The following OSBPL8 variants were observed in gnomAD, a reference collection of about 807,000 sequenced individuals.
The protein encoded by OSBPL8 is oxysterol-binding protein-related protein 8.
In OSBPL8, 59 loss-of-function variants were observed where a neutral mutation model predicts 125.5. The observed-to-expected ratio is 0.47, with a 90% CI of 0.38 to 0.58. The LOEUF (loss-of-function observed/expected upper bound fraction) is 0.58, where lower values mean the gene tolerates loss of function less well. Among genes scored for constraint, OSBPL8 ranks in the 20% least tolerant of loss-of-function variants. OSBPL8 has a pLI of 0.00. For synonymous variants in OSBPL8, 330 were observed against 338.9 expected (o/e 0.97, Z 0.29); for missense variants, 758 against 1,047.8 (o/e 0.72, Z 3.82).
At chr12:76,452,714 T>G (rs1873562480) in intron 3 of OSBPL8, among the ~76,000 whole-genome samples, 1 of 152,234 alleles carries the variant, frequency 6.6e-6, no homozygotes, top group South Asian at 2.1e-4. Context: ...CAACACAGTC[T>G]GGCCTGCTAC....
intron 3 of OSBPL8, among the ~76,000 whole-genome samples, chr12:76,454,630 C>T (rs1873799169): frequency 1.3e-5 from 2 of 151,036 alleles, no homozygotes; most frequent in Admixed American, 1.3e-4. Context: ...GAGGTGGGAG[C>T]ATCACTTGAG....
rs192127515 is a variant in OSBPL8, at chr12:76,455,522, C to T, written c.79+4337G>A. On this transcript the variant is annotated intron_variant, in intron 3 of 23. Coordinates refer to ENST00000261183, the MANE Select transcript of OSBPL8 (RefSeq NM_020841.5). Reference sequence around the variant, plus strand: ...CCTGAACTGTAAAGTTAGCTCTATTCACCCTTTCTAATCCATTTTCGATGG... The same window carrying T: ...CCTGAACTGTAAAGTTAGCTCTATTTACCCTTTCTAATCCATTTTCGATGG... 7.4e-4 allele frequency among the ~76,000 whole-genome samples: 113 copies of T among 152,326 alleles called. 1 individual carries two copies. Among genetic ancestry groups the T allele is most frequent in the Admixed American group, 3.7e-3 (56 of 15,302 alleles).
intron 1 of OSBPL8, among the ~76,000 whole-genome samples, chr12:76,523,161 T>A (rs1950070878): frequency 6.6e-6 from 1 of 152,206 alleles, no homozygotes; most frequent in Non-Finnish European, 1.5e-5. Flanking sequence ...GAGTTTCCAG[T>A]AAGAAATTGT....
chr12:76,376,768 A>C (rs1033492292), intron 16 of OSBPL8, among the ~76,000 whole-genome samples: 1 of 152,090 alleles, frequency 6.6e-6, no homozygotes, highest in African/African-American at 2.4e-5. Context: ...GGCCTTCGAT[A>C]AGATTCAGCC....
intron 9 of OSBPL8, among the ~76,000 whole-genome samples, chr12:76,393,027 T>C (rs1457667482): frequency 1.3e-5 from 2 of 152,300 alleles, no homozygotes; most frequent in East Asian, 3.9e-4. Flanking sequence ...TCTTAGAACA[T>C]TAACATGCAG....
intron 9 of OSBPL8, 100 bp downstream of exon 9, chr12:76,394,545 G>T: frequency 2.5e-6 from 2 of 806,666 alleles, no homozygotes; most frequent in Non-Finnish European, 3.9e-6. Context: ...TGCTGCAAAT[G>T]CCATACTAAA....
intron 9 of OSBPL8, among the ~76,000 whole-genome samples, chr12:76,393,957 T>A (rs1394314151): frequency 6.6e-6 from 1 of 151,968 alleles, no homozygotes; most frequent in African/African-American, 2.4e-5. Flanking sequence ...GAGTCAGAGG[T>A]TGCAGTGAGC....
At chr12:76,362,742 G>T (rs985361417) in intron 21 of OSBPL8, among the ~76,000 whole-genome samples, 10 of 152,174 alleles carry the variant, frequency 6.6e-5, no homozygotes, top group African/African-American at 2.4e-4. Context: ...AAGTCAAATT[G>T]TCTCTGTTTG....
intron 2 of OSBPL8, among the ~76,000 whole-genome samples, chr12:76,475,223 C>A (rs1371906891): frequency 3.9e-5 from 6 of 151,978 alleles, no homozygotes. Flanking sequence ...TTAATTATAT[C>A]CTACTTATGA....
chr12:76,410,957 C>A (rs368016854), intron 4 of OSBPL8, among the ~76,000 whole-genome samples: 76 of 152,292 alleles, frequency 5.0e-4, no homozygotes, highest in Middle Eastern at 3.4e-3. Context: ...ACTCACGGAA[C>A]CAACTCAACA....
intron 1 of OSBPL8, among the ~76,000 whole-genome samples, chr12:76,525,377 T>C (rs1306755237): frequency 6.6e-6 from 1 of 152,218 alleles, no homozygotes; most frequent in Non-Finnish European, 1.5e-5. Flanking sequence ...GTGATATTTT[T>C]ACCAAATATT....
At chr12:76,458,441 A>G (rs1006399290) in intron 3 of OSBPL8, among the ~76,000 whole-genome samples, 3 of 151,730 alleles carry the variant, frequency 2.0e-5, no homozygotes, top group Non-Finnish European at 2.9e-5. Flanking sequence ...TGTAATCCCA[A>G]CACTCTGGGA....
intron 4 of OSBPL8, among the ~76,000 whole-genome samples, chr12:76,430,054 C>T (rs1870624640): frequency 6.6e-6 from 1 of 152,132 alleles, no homozygotes; most frequent in Admixed American, 6.6e-5. Flanking sequence ...CCTCAAACAG[C>T]CATGACCCAG....
chr12:76,438,278 G>T lies in OSBPL8; in HGVS notation c.217+12573C>A, dbSNP rs139252570. On this transcript the variant is annotated intron_variant, in intron 4 of 23. Transcript: ENST00000261183. ...TGGGATTACAGGCATGAGCCACTGC[G>T]CCCAGCCCAGTAACTTCTTAATAAC... Among the ~76,000 whole-genome samples, 897 of 149,192 alleles carry T rather than the reference G, an allele frequency of 6.0e-3. 4 individuals carry two copies. Among genetic ancestry groups the T allele is most frequent in the African/African-American group, 0.02 (799 of 40,364 alleles).
chr12:76,491,802 T>C (rs576901273), intron 1 of OSBPL8, among the ~76,000 whole-genome samples: 1 of 152,380 alleles, frequency 6.6e-6, no homozygotes, highest in South Asian at 2.1e-4. Context: ...GTCTATGGGA[T>C]GCACACTGAT....
At chr12:76,429,925 T>C (rs2136563847) in intron 4 of OSBPL8, among the ~76,000 whole-genome samples, 1 of 151,220 alleles carries the variant, frequency 6.6e-6, no homozygotes, top group African/African-American at 2.4e-5. Flanking sequence ...GACCTGGCTG[T>C]AGCCTTACTG....
At chr12:76,439,463 A>T (rs977003725) in intron 4 of OSBPL8, among the ~76,000 whole-genome samples, 2 of 152,168 alleles carry the variant, frequency 1.3e-5, no homozygotes, top group Admixed American at 6.5e-5. Flanking sequence ...ACCAAGAGAG[A>T]TTGTAAAACA....
At chr12:76,365,892 T>C (rs1236367071) in intron 21 of OSBPL8, among the ~76,000 whole-genome samples, 3 of 152,222 alleles carry the variant, frequency 2.0e-5, no homozygotes, top group Non-Finnish European at 4.4e-5. Context: ...ATATATTACA[T>C]TGATTTTCTT....
At position 76,469,526 on chromosome 12, in the gene OSBPL8, C is replaced by T. The variant is rs564298975; in HGVS notation, c.43-9631G>A. On this transcript the variant is annotated intron_variant, in intron 2 of 23. Coordinates refer to ENST00000261183, the MANE Select transcript of OSBPL8 (RefSeq NM_020841.5). ...CTTCACTCACCCTTTCCCACAACCCCAAACGCTTACAGACTAACCACCGTC... is the reference window on the plus strand; with the variant it reads ...CTTCACTCACCCTTTCCCACAACCCTAAACGCTTACAGACTAACCACCGTC... Among the ~76,000 whole-genome samples the T allele has an allele frequency of 3.0e-4, 46 of 152,296 alleles. 1 individual carries two copies. The South Asian group carries it at 9.3e-3, about 31-fold the overall frequency.
Sources: allele counts gnomAD v4.1 joint callset (sites outside exome capture counted in the v4.1 genomes callset), GRCh38; gene constraint gnomAD v4.1.1; transcripts MANE v1.5; gene names NCBI Gene and HGNC (gene_info 2026-07-23, HGNC 2026-07-21).